The following SLC22A25 variants were observed in gnomAD, a reference collection of about 807,000 sequenced individuals.
SLC22A25 encodes the protein MGI:2442751, MGI:2385316, MGI:3042283, MGI:3645714, MGI:3605624, MGI:2442750.
SLC22A25 carries 44 observed loss-of-function variants against 45.9 expected under a neutral mutation model. That is an observed-to-expected ratio of 0.96 (90% CI 0.75 to 1.23). The LOEUF is 1.23. SLC22A25 is among the 50% of genes most tolerant of loss of function. The pLI is 0.00. For missense variants in SLC22A25, 800 were observed against 666.4 expected (o/e 1.20, Z -2.21); for synonymous variants, 283 against 238.6 (o/e 1.19, Z -1.72).
At position 63,161,890 on chromosome 11, in the gene SLC22A25, GT is replaced by G; in HGVS notation, c.*1933del. On this transcript the variant is annotated 3_prime_UTR_variant, in exon 12 of 12. Transcript: ENST00000306494. ...GTACTAATTTACATTCCCACCAACA[GT>G]GTATGAGGGTTCCCTTTTCTCCACA... Among the ~76,000 whole-genome samples, 1 of 152,252 alleles carries G rather than the reference GT, an allele frequency of 6.6e-6. No individual in the cohort carries two copies. The highest frequency in any genetic ancestry group is 2.1e-4 in the South Asian group (1 of 4,822).
chr11:63,164,983 G>C (rs2087630606), intron 10 of SLC22A25, among the ~76,000 whole-genome samples: 1 of 152,054 alleles, frequency 6.6e-6, no homozygotes, highest in Non-Finnish European at 1.5e-5. Flanking sequence ...GAAAACAGGA[G>C]TGTCATGTGG....
At chr11:63,184,641 G>A (rs2088455121) in intron 7 of SLC22A25, among the ~76,000 whole-genome samples, 1 of 152,086 alleles carries the variant, frequency 6.6e-6, no homozygotes, top group Admixed American at 6.6e-5. Context: ...GTAAATTGAT[G>A]TCCCTTCCTA....
At chr11:63,235,576 G>A (rs1018511788) in intron 3 of SLC22A25, among the ~76,000 whole-genome samples, 1 of 151,976 alleles carries the variant, frequency 6.6e-6, no homozygotes, top group Non-Finnish European at 1.5e-5. Context: ...TAACTTCTTT[G>A]CCATTGGTTT....
At position 63,159,739 on chromosome 11, in the gene SLC22A25, A is replaced by C. The variant is rs1320980974; in HGVS notation, c.*4085T>G. Among the ~76,000 whole-genome samples the C allele has an allele frequency of 6.6e-6, 1 of 152,212 alleles. No individual in the cohort carries two copies. Among genetic ancestry groups the C allele is most frequent in the Non-Finnish European group, 1.5e-5 (1 of 68,036 alleles). On this transcript the variant is annotated 3_prime_UTR_variant, in exon 12 of 12. Transcript: ENST00000306494. ...GGAGGGCTCAGAAGAAGACAGGAAA[A>C]TGTTGGAAAGTTTGGAACTTCCTAG...
intron 9 of SLC22A25, among the ~76,000 whole-genome samples, chr11:63,173,155 G>A (rs551642737): frequency 6.6e-6 from 1 of 151,632 alleles, no homozygotes; most frequent in African/African-American, 2.4e-5. Context: ...ACTCATAAGT[G>A]GGAACTGAAC....
In SLC22A25 at chr11:63,163,670, T is replaced by A. The variant is rs2087576971; in HGVS notation, c.*154A>T. On this transcript the variant is annotated 3_prime_UTR_variant, in exon 12 of 12. Transcript: ENST00000306494. ...ACAGGCTGGGCAGAGATGGTCTGTGTGATCTAGTGAGGCTCAGGGGATGTA... is the reference window on the plus strand; with the variant it reads ...ACAGGCTGGGCAGAGATGGTCTGTGAGATCTAGTGAGGCTCAGGGGATGTA... The A allele has an allele frequency of 2.7e-6, 3 of 1,119,502 alleles. No homozygotes were observed. Among genetic ancestry groups the A allele is most frequent in the Non-Finnish European group, 3.7e-6 (3 of 808,002 alleles). 69.3% of individuals were successfully genotyped at this position (1,119,502 alleles called of 1,614,324 possible).
At chr11:63,231,383 G>A (rs185454178) in intron 3 of SLC22A25, among the ~76,000 whole-genome samples, 2 of 152,312 alleles carry the variant, frequency 1.3e-5, no homozygotes, top group Non-Finnish European at 2.9e-5. Flanking sequence ...GGTTTGATTT[G>A]CATTTCTCTG....
intron 7 of SLC22A25, among the ~76,000 whole-genome samples, chr11:63,216,404 T>C (rs749749199): frequency 5.9e-5 from 9 of 152,194 alleles, no homozygotes; most frequent in Non-Finnish European, 1.3e-4. Context: ...ACTCTTCTAC[T>C]ATAAAGACAT....
At chr11:63,165,356 C>G (rs894805848) in intron 10 of SLC22A25, among the ~76,000 whole-genome samples, 1 of 152,198 alleles carries the variant, frequency 6.6e-6, no homozygotes, top group African/African-American at 2.4e-5. Context: ...CTGGTATTCT[C>G]TTAAGTACAT....
At chr11:63,207,517 CT>C (rs1203937484) in intron 7 of SLC22A25, among the ~76,000 whole-genome samples, 1 of 152,098 alleles carries the variant, frequency 6.6e-6, no homozygotes, top group African/African-American at 2.4e-5. Context: ...TGAAAAAAAG[CT>C]CATCATCACT....
intron 9 of SLC22A25, among the ~76,000 whole-genome samples, chr11:63,173,305 A>C (rs2087959335): frequency 6.6e-6 from 1 of 152,152 alleles, no homozygotes; most frequent in South Asian, 2.1e-4. Flanking sequence ...TGATGGGTGC[A>C]GAAAACCACC....
intron 5 of SLC22A25, among the ~76,000 whole-genome samples, chr11:63,221,451 C>T (rs59626188): frequency 0.37 from 55,711 of 151,910 alleles, 10,518 homozygotes; most frequent in East Asian, 0.56. Context: ...TCTTCAGATA[C>T]TTCACCCATT....
chr11:63,202,069 G>A (rs1185304228), intron 7 of SLC22A25, among the ~76,000 whole-genome samples: 1 of 152,086 alleles, frequency 6.6e-6, no homozygotes, highest in Non-Finnish European at 1.5e-5. Flanking sequence ...CCTAGCCAAG[G>A]GAAGCCATGA....
At position 63,181,164 on chromosome 11, in the gene SLC22A25, CA is replaced by C. The variant is rs34918678; in HGVS notation, c.955-390del. Among the ~76,000 whole-genome samples the C allele has an allele frequency of 1.4e-3, 215 of 152,236 alleles. 1 individual carries two copies. The highest frequency in any genetic ancestry group is 5.1e-3 in the African/African-American group (212 of 41,552). The stretch of plus-strand genomic sequence containing the variant: ...CAGCTGAACTGCCTTTGGTGAAAAA[CA>C]GTTTGCCTGCCTCAGGAAAGAGATA... On this transcript the variant is annotated intron_variant, in intron 8 of 11. Transcript: ENST00000306494.
At chr11:63,205,413 TAATACAGAAGAA>T (rs2089371843) in intron 7 of SLC22A25, among the ~76,000 whole-genome samples, 1 of 151,952 alleles carries the variant, frequency 6.6e-6, no homozygotes, top group African/African-American at 2.4e-5. Flanking sequence ...CTAGCAGGAC[TAATACAGAAGAA>T]AAGAGAGAAG....
At chr11:63,242,074 A>G (rs1387789553) in intron 1 of SLC22A25, among the ~76,000 whole-genome samples, 1 of 152,248 alleles carries the variant, frequency 6.6e-6, no homozygotes, top group East Asian at 1.9e-4. Flanking sequence ...AGATTCCAGT[A>G]AGAGTCACAA....
At chr11:63,214,086 A>G (rs887067320) in intron 7 of SLC22A25, among the ~76,000 whole-genome samples, 1 of 152,132 alleles carries the variant, frequency 6.6e-6, no homozygotes, top group African/African-American at 2.4e-5. Context: ...TCCAGTTCAG[A>G]TTTGGTCCAG....
rs374045286 is a variant in SLC22A25, at chr11:63,191,640, C to T, written c.831-7823G>A. 2.0e-5 allele frequency among the ~76,000 whole-genome samples: 3 copies of T among 152,164 alleles called. No homozygotes were observed. The East Asian group carries it at 5.8e-4, about 29-fold the overall frequency. On this transcript the variant is annotated intron_variant, in intron 7 of 11. Transcript: ENST00000306494. ...AATCTCCTGTCTTCTGTGTTGCTCA[C>T]ACTGGGAACTGTAGACTGGAGCTGT...
intron 9 of SLC22A25, among the ~76,000 whole-genome samples, chr11:63,176,288 A>G (rs1432168883): frequency 2.6e-5 from 4 of 152,010 alleles, no homozygotes; most frequent in African/African-American, 9.7e-5. Context: ...GATTGCACTG[A>G]ATCTTCAGAT....
Sources: allele counts gnomAD v4.1 joint callset (sites outside exome capture counted in the v4.1 genomes callset), GRCh38; gene constraint gnomAD v4.1.1; transcripts MANE v1.5; gene names NCBI Gene and HGNC (gene_info 2026-07-23, HGNC 2026-07-21).